The following NFIA variants were observed in gnomAD, a reference collection of about 807,000 sequenced individuals.
NFIA encodes the protein nuclear factor 1 A-type.
Under a neutral mutation model 62.8 loss-of-function variants are expected in NFIA, and 8 were observed. That is an observed-to-expected ratio of 0.13 (90% confidence interval 0.07 to 0.23). NFIA has a LOEUF of 0.23. Among genes scored for constraint, NFIA ranks in the 10% least tolerant of loss-of-function variants. NFIA has a pLI of 1.00. For missense variants in NFIA, 410 were observed against 642.1 expected (o/e 0.64, Z 3.91); for synonymous variants, 235 against 238.1 (o/e 0.99, Z 0.12).
At chr1:61,161,323 G>A (rs897390190) in intron 2 of NFIA, among the ~76,000 whole-genome samples, 2 of 152,146 alleles carry the variant, frequency 1.3e-5, no homozygotes, top group Non-Finnish European at 2.9e-5. Context: ...AAGTTCAAGC[G>A]CTAGAGAGCA....
intron 6 of NFIA, among the ~76,000 whole-genome samples, chr1:61,379,638 C>T (rs1316368924): frequency 6.6e-6 from 1 of 151,916 alleles, no homozygotes; most frequent in South Asian, 2.1e-4. Flanking sequence ...GATCTCTTGA[C>T]CTTGTGATCT....
chr1:61,280,546 T>G (rs1329091600), intron 3 of NFIA, among the ~76,000 whole-genome samples: 1 of 152,238 alleles, frequency 6.6e-6, no homozygotes, highest in Non-Finnish European at 1.5e-5. Context: ...GGTATTTCCC[T>G]AGTAAACCAT....
At position 61,082,611 on chromosome 1, in the gene NFIA, C is replaced by T. The variant is rs1646128927; in HGVS notation, c.-181C>T. 1 of 1,496,718 alleles carries T rather than the reference C, an allele frequency of 6.7e-7. No individual in the cohort carries two copies. Among genetic ancestry groups the T allele is most frequent in the Middle Eastern group, 2.0e-4 (1 of 5,060 alleles). 92.7% of individuals were successfully genotyped at this position (1,496,718 alleles called of 1,614,324 possible). ...GGCAATAGCGCTGGCTGGCTGGCTG[C>T]AGTTGAGCCGACTTGGAAATGTGAA... On this transcript the variant is annotated 5_prime_UTR_variant, in exon 1 of 11. Transcript: ENST00000403491.
At chr1:61,276,220 T>C (rs919012964) in intron 2 of NFIA, among the ~76,000 whole-genome samples, 1 of 152,230 alleles carries the variant, frequency 6.6e-6, no homozygotes, top group Non-Finnish European at 1.5e-5. Flanking sequence ...CACTTTCTTA[T>C]AAGTAAAATC....
intron 3 of NFIA, among the ~76,000 whole-genome samples, chr1:61,320,527 A>G (rs1660626453): frequency 6.6e-6 from 1 of 152,204 alleles, no homozygotes; most frequent in Non-Finnish European, 1.5e-5. Context: ...AGTACATTTA[A>G]TATTTGGAGT....
At chr1:61,360,065 C>T (rs966281532) in intron 6 of NFIA, among the ~76,000 whole-genome samples, 13 of 152,052 alleles carry the variant, frequency 8.5e-5, no homozygotes, top group African/African-American at 2.9e-4. Context: ...CAATATTTTT[C>T]CTATTACTGG....
intron 2 of NFIA, among the ~76,000 whole-genome samples, chr1:61,236,081 T>TA (rs1654996208): frequency 6.6e-6 from 1 of 151,842 alleles, no homozygotes; most frequent in African/African-American, 2.4e-5. Context: ...CAGAACACGT[T>TA]AAAAACAGCC....
intron 3 of NFIA, among the ~76,000 whole-genome samples, chr1:61,329,523 C>G (rs981420484): frequency 1.3e-5 from 2 of 151,772 alleles, no homozygotes; most frequent in Admixed American, 1.3e-4. Context: ...GCTGGGATTA[C>G]AGGCGCTCGC....
rs1430371690 is a variant in NFIA at position 61,462,099 on chromosome 1, G to T, written c.*6779G>T. The stretch of plus-strand genomic sequence containing the variant: ...TGACATTGCAACCGAAGGTCATAAG[G>T]CCGCTAGCTCCGCTGGGACAGAGGC... On this transcript the variant is annotated 3_prime_UTR_variant, in exon 11 of 11. Coordinates refer to ENST00000403491, the MANE Select transcript of NFIA (RefSeq NM_001134673.4). 1 of 143,482 alleles carries T rather than the reference G, an allele frequency of 7.0e-6. No individual in the cohort carries two copies. The highest frequency in any genetic ancestry group is 2.6e-5 in the African/African-American group (1 of 38,060). The allele number at this position is 143,482 out of a possible 1,614,324, so 8.9% of individuals were successfully genotyped here. A position where few individuals can be genotyped will look rare whatever the true frequency, so the allele number is the denominator to read the frequency against.
At chr1:61,351,946 T>C (rs1199176494) in intron 4 of NFIA, among the ~76,000 whole-genome samples, 1 of 152,216 alleles carries the variant, frequency 6.6e-6, no homozygotes, top group Non-Finnish European at 1.5e-5. Context: ...TTAAGGTGTA[T>C]GCAAGATGGA....
At position 61,406,543 on chromosome 1, in the gene NFIA, G is replaced by GGCCCCCCCCCC; in HGVS notation, c.1255-19_1255-18insGCCCCCCCCCC. On this transcript the variant is annotated intron_variant, in intron 8 of 10. Coordinates refer to ENST00000403491, the MANE Select transcript of NFIA (RefSeq NM_001134673.4). The stretch of plus-strand genomic sequence containing the variant: ...TCTTTTTCTTGTACGTGTGTTTTCT[G>GGCCCCCCCCCC]CCCCCCCCCCCCCCACAGCCCAATG... 1 of 876,652 alleles carries GGCCCCCCCCCC rather than the reference G, an allele frequency of 1.1e-6. No homozygotes were observed. The highest frequency in any genetic ancestry group is 1.5e-6 in the Non-Finnish European group (1 of 653,742). 54.3% of individuals were successfully genotyped at this position (876,652 alleles called of 1,614,324 possible). A position where few individuals can be genotyped will look rare whatever the true frequency, so the allele number is the denominator to read the frequency against.
At chr1:61,108,900 T>G (rs1646649143) in intron 2 of NFIA, among the ~76,000 whole-genome samples, 1 of 151,816 alleles carries the variant, frequency 6.6e-6, no homozygotes, top group Non-Finnish European at 1.5e-5. Context: ...AATAGTGTTT[T>G]TAAAGAATGC....
chr1:61,314,146 T>C (rs1173635089), intron 3 of NFIA, among the ~76,000 whole-genome samples: 5 of 152,206 alleles, frequency 3.3e-5, no homozygotes, highest in Admixed American at 3.3e-4. Flanking sequence ...TGCTGGTCTT[T>C]GATGACTTGT....
chr1:61,136,022 G>A (rs1647180580), intron 2 of NFIA, among the ~76,000 whole-genome samples: 1 of 152,120 alleles, frequency 6.6e-6, no homozygotes, highest in Non-Finnish European at 1.5e-5. Context: ...CTTATTGAAA[G>A]CATTGTTTAA....
At chr1:61,268,950 G>A (rs2100258572) in intron 2 of NFIA, among the ~76,000 whole-genome samples, 1 of 152,184 alleles carries the variant, frequency 6.6e-6, no homozygotes, top group South Asian at 2.1e-4. Flanking sequence ...ACCGTCCCCT[G>A]AACCCGTGCT....
chr1:61,417,095 T>A (rs773752142), intron 9 of NFIA, among the ~76,000 whole-genome samples: 23 of 152,204 alleles, frequency 1.5e-4, no homozygotes, highest in Non-Finnish European at 3.2e-4. Flanking sequence ...AGTCAACTCT[T>A]GTGTTCACCT....
At chr1:61,345,450 G>A (rs951593528) in intron 4 of NFIA, among the ~76,000 whole-genome samples, 2 of 152,180 alleles carry the variant, frequency 1.3e-5, no homozygotes, top group African/African-American at 4.8e-5. Flanking sequence ...TGACCTGGGA[G>A]AGTTATTTAA....
intron 3 of NFIA, among the ~76,000 whole-genome samples, chr1:61,326,142 G>T (rs1208240403): frequency 6.6e-6 from 1 of 152,120 alleles, no homozygotes; most frequent in South Asian, 2.1e-4. Context: ...TTAAGCTTGG[G>T]ACTAGATCCT....
In NFIA at chr1:61,301,475, G is replaced by C. The variant is rs573908594; in HGVS notation, c.625+23890G>C. On this transcript the variant is annotated intron_variant, in intron 3 of 10. Transcript: ENST00000403491. ...GCTGAGCCACAGACAGTTCCCATTG[G>C]TGTTTTTTAAGAACTGATATTTTCT... 6.6e-5 allele frequency among the ~76,000 whole-genome samples: 10 copies of C among 152,248 alleles called. No homozygotes were observed. The East Asian group carries it at 1.7e-3, about 26-fold the overall frequency.
Sources: gnomAD v4.1 joint callset for allele counts (sites outside exome capture counted in the v4.1 genomes callset) on GRCh38, gnomAD v4.1.1 for gene constraint, MANE v1.5 for transcripts, NCBI Gene and HGNC (gene_info 2026-07-23, HGNC 2026-07-21) for gene names.